WDR20: variants seen among roughly 807,000 people sequenced by gnomAD.
WDR20 encodes WD repeat domain 20.
WDR20 carries 3 observed loss-of-function variants against 38.7 expected under a neutral mutation model. The observed-to-expected ratio is 0.08, with a 90% CI of 0.04 to 0.20. The LOEUF (loss-of-function observed/expected upper bound fraction) is 0.20. Ranked by LOEUF, WDR20 falls within the 10% of genes least tolerant of loss-of-function variation. WDR20 has a pLI of 1.00. For synonymous variants in WDR20, 298 were observed against 285.6 expected (o/e 1.04, Z -0.44); for missense variants, 559 against 727.7 (o/e 0.77, Z 2.67).
chr14:102,143,135 C>A (rs1320010236), intron 1 of WDR20, among the ~76,000 whole-genome samples: 2 of 152,090 alleles, frequency 1.3e-5, no homozygotes, highest in East Asian at 1.9e-4. Flanking sequence ...GGGATGCAAA[C>A]CTGTTAGAAT....
chr14:102,146,542 A>T (rs1370013321), intron 1 of WDR20, among the ~76,000 whole-genome samples: 1 of 152,208 alleles, frequency 6.6e-6, no homozygotes, highest in Non-Finnish European at 1.5e-5. Context: ...AAGTATTTTT[A>T]GATCCTGATT....
In WDR20 at chr14:102,162,648, G is replaced by A. The variant is rs553408858; in HGVS notation, c.249+22476G>A. ...CTCTCTCGCCCTCTCACACTCTCTC[G>A]CTCTGTTGCCCAGGCTGGAGTGCAG... On this transcript the variant is annotated intron_variant, in intron 1 of 2. Transcript: ENST00000342702. Among the ~76,000 whole-genome samples the A allele has an allele frequency of 1.5e-4, 23 of 149,808 alleles. No homozygotes were observed. In the South Asian group the frequency reaches 4.7e-3, roughly 31 times the overall value.
chr14:102,218,006 T>C (rs576994491), downstream of WDR20, among the ~76,000 whole-genome samples: 1 of 152,342 alleles, frequency 6.6e-6, no homozygotes, highest in African/African-American at 2.4e-5. Context: ...GGGACGCCAG[T>C]GGAGGTGACC....
At chr14:102,145,499 A>G (rs1260859195) in intron 1 of WDR20, among the ~76,000 whole-genome samples, 3 of 152,210 alleles carry the variant, frequency 2.0e-5, no homozygotes, top group Admixed American at 1.3e-4. Context: ...GCTCATACCT[A>G]TAATCCTAAC....
intron 1 of WDR20, 161 bp downstream of exon 1, chr14:102,140,333 G>A (rs1236247132): frequency 1.6e-6 from 2 of 1,212,254 alleles, no homozygotes; most frequent in Non-Finnish European, 2.2e-6. Flanking sequence ...AGGGGATTCA[G>A]GAGTAAGGAG....
At chr14:102,200,457 A>ATTTTT (rs746438768) in intron 2 of WDR20, among the ~76,000 whole-genome samples, 4 of 110,996 alleles carry the variant, frequency 3.6e-5, no homozygotes, top group African/African-American at 7.1e-5. Context: ...TACTTTTTAA[A>ATTTTT]TTTTTTTTTT....
intron 1 of WDR20, among the ~76,000 whole-genome samples, chr14:102,158,979 G>C (rs1363621883): frequency 6.6e-6 from 1 of 151,642 alleles, no homozygotes; most frequent in Non-Finnish European, 1.5e-5. Flanking sequence ...GTCTCTCTCA[G>C]TCACCCAGAC....
chr14:102,214,269 T>C, downstream of WDR20: 2 of 985,622 alleles, frequency 2.0e-6, no homozygotes, highest in Non-Finnish European at 2.4e-6. Context: ...GAGCACACCC[T>C]TCGCCACGGG....
At position 102,208,562 on chromosome 14, in the gene WDR20, A is replaced by G; in HGVS notation, c.433-41A>G. The G allele has an allele frequency of 1.3e-6, 2 of 1,543,140 alleles. No individual in the cohort carries two copies. The highest frequency in any genetic ancestry group is 1.7e-6 in the Non-Finnish European group (2 of 1,143,562). ...CTTGCTGGAAAAGTAGACCTTTGAG[A>G]CTTCTCCGTTGTGCTAACTTGTTCT... On this transcript the variant is annotated intron_variant, in intron 2 of 2. Transcript: ENST00000342702. The surrounding 1 kb of genome is among the most constrained non-coding windows in gnomAD (Gnocchi z 5.6).
intron 2 of WDR20, chr14:102,198,317 C>T: frequency 6.2e-6 from 2 of 322,802 alleles, no homozygotes; most frequent in South Asian, 2.3e-5. Context: ...GGGATTTCAC[C>T]ATGTTGGCCA....
chr14:102,186,125 A>G lies in WDR20; in HGVS notation c.250-8813A>G, dbSNP rs1431897426. On this transcript the variant is annotated intron_variant, in intron 1 of 2. Coordinates refer to ENST00000342702, the MANE Select transcript of WDR20 (RefSeq NM_144574.4). ...GACTTCTTATGTTTCTGACATACAT[A>G]TATTTTAAACAAGTGTTAGGCTCTT... is the stretch of plus-strand genomic sequence containing the variant. Among the ~76,000 whole-genome samples, 6 of 152,360 alleles carry G rather than the reference A, an allele frequency of 3.9e-5. No individual in the cohort carries two copies. The South Asian group carries it at 6.2e-4, about 16-fold the overall frequency.
At chr14:102,177,866 G>A (rs2062501620) in intron 1 of WDR20, among the ~76,000 whole-genome samples, 1 of 152,080 alleles carries the variant, frequency 6.6e-6, no homozygotes, top group Non-Finnish European at 1.5e-5. Context: ...ACCAATTTTA[G>A]CCTGTTATGT....
chr14:102,160,349 T>C (rs1461517744), intron 1 of WDR20, among the ~76,000 whole-genome samples: 1 of 152,180 alleles, frequency 6.6e-6, no homozygotes, highest in Admixed American at 6.5e-5. Context: ...CCTGTCCTCC[T>C]TCCCCCTCCT....
intron 2 of WDR20, chr14:102,198,344 CT>C: frequency 3.4e-6 from 1 of 292,740 alleles, no homozygotes. Flanking sequence ...TCTGGAACTC[CT>C]GGCTTCAAGT....
chr14:102,185,379 A>G (rs2064384664), intron 1 of WDR20, among the ~76,000 whole-genome samples: 1 of 152,152 alleles, frequency 6.6e-6, no homozygotes, highest in South Asian at 2.1e-4. Context: ...AGGCTGGAAT[A>G]TTTGAGTCCC....
chr14:102,211,522 C>T (rs1209068205), downstream of WDR20, among the ~76,000 whole-genome samples: 1 of 152,230 alleles, frequency 6.6e-6, no homozygotes, highest in Non-Finnish European at 1.5e-5. The surrounding 1 kb of genome is among the most constrained non-coding windows in gnomAD (Gnocchi z 4.2). Flanking sequence ...GTGCTGCCAC[C>T]TGGGAACCAC....
chr14:102,152,357 T>G, intron 1 of WDR20, among the ~76,000 whole-genome samples: 1 of 152,126 alleles, frequency 6.6e-6, no homozygotes. Context: ...ATTAATCATG[T>G]TAATAATAGT....
rs369664791 is a variant in WDR20 at position 102,190,408 on chromosome 14, AAAAC to A, written c.250-4514_250-4511del. Among the ~76,000 whole-genome samples the A allele has an allele frequency of 4.6e-3, 693 of 151,888 alleles. 6 individuals are homozygous for A. Among genetic ancestry groups the A allele is most frequent in the African/African-American group, 0.015 (640 of 41,390 alleles). ...AACCCTGTCTCTACTAAAAATACCA[AAAAC>A]AAACAAACAAACAAAAACAAAAAAC... On this transcript the variant is annotated intron_variant, in intron 1 of 2. Coordinates refer to ENST00000342702, the MANE Select transcript of WDR20 (RefSeq NM_144574.4).
intron 1 of WDR20, among the ~76,000 whole-genome samples, chr14:102,170,008 A>C (rs2060498200): frequency 6.6e-6 from 1 of 152,196 alleles, no homozygotes; most frequent in Non-Finnish European, 1.5e-5. Context: ...TGAAGTAACC[A>C]GTATTAAGTT....
Sources: gnomAD v4.1 joint callset for allele counts (sites outside exome capture counted in the v4.1 genomes callset) on GRCh38, gnomAD v4.1.1 for gene constraint, Gnocchi (gnomAD v3.1) non-coding constraint, MANE v1.5 for transcripts, NCBI Gene and HGNC (gene_info 2026-07-23, HGNC 2026-07-21) for gene names.